TTC27: variants seen among roughly 807,000 people sequenced by gnomAD.
The protein encoded by TTC27 is tetratricopeptide repeat protein 27.
A neutral mutation model predicts 115.9 loss-of-function variants in TTC27; 79 were observed. The ratio of observed to expected loss-of-function variants is 0.68; its 90% CI spans 0.57 to 0.82. The LOEUF (loss-of-function observed/expected upper bound fraction) is 0.82. Among genes scored for constraint, TTC27 ranks in the 40% least tolerant of loss-of-function variants. The pLI, the probability that TTC27 is intolerant of heterozygous loss-of-function variation, is 0.00. For missense variants in TTC27, 1,054 were observed against 993.1 expected (o/e 1.06, Z -0.82); for synonymous variants, 401 against 356.0 (o/e 1.13, Z -1.42).
intron 12 of TTC27, among the ~76,000 whole-genome samples, chr2:32,740,595 G>A (rs981505740): frequency 1.3e-5 from 2 of 152,004 alleles, no homozygotes; most frequent in Non-Finnish European, 2.9e-5. Context: ...TGTTTCCAGG[G>A]TTAAGTCTGA....
At chr2:32,652,897 A>C (rs767854120) in intron 5 of TTC27, among the ~76,000 whole-genome samples, 1 of 152,122 alleles carries the variant, frequency 6.6e-6, no homozygotes, top group Non-Finnish European at 1.5e-5. Context: ...ATGAACAACT[A>C]TGATATTTAG....
intron 13 of TTC27, among the ~76,000 whole-genome samples, chr2:32,770,356 G>T (rs1358129240): frequency 6.6e-6 from 1 of 152,154 alleles, no homozygotes; most frequent in Non-Finnish European, 1.5e-5. Context: ...AGTTTATGAG[G>T]GATGGGGCTG....
rs1465375543 is a variant in TTC27, at chr2:32,759,594, AT to A, written c.1680+1076del. 2.4e-4 allele frequency among the ~76,000 whole-genome samples: 36 copies of A among 152,364 alleles called. 1 individual carries two copies. The highest frequency in any genetic ancestry group is 2.2e-3 in the Admixed American group (34 of 15,308). On this transcript the variant is annotated intron_variant, in intron 13 of 19. Transcript: ENST00000317907. ...TAGTGAGACCTCATCTCTGAAAAAAATAAATAAATAAAATTAAATGAAAGTA... is the reference window on the plus strand; with the variant it reads ...TAGTGAGACCTCATCTCTGAAAAAAAAAATAAATAAAATTAAATGAAAGTA...
chr2:32,635,545 G>A (rs1029797502), intron 3 of TTC27, among the ~76,000 whole-genome samples: 2 of 152,214 alleles, frequency 1.3e-5, no homozygotes, highest in East Asian at 1.9e-4. Context: ...TTAGCCGGGT[G>A]TGGTGGTGCA....
chr2:32,696,073 A>G (rs1288305096), intron 9 of TTC27, among the ~76,000 whole-genome samples: 2 of 148,456 alleles, frequency 1.3e-5, no homozygotes, highest in East Asian at 4.2e-4. Flanking sequence ...CAGTGAGCCA[A>G]GATTGCACCA....
chr2:32,678,490 C>T (rs1055172640), intron 8 of TTC27, among the ~76,000 whole-genome samples: 4 of 151,926 alleles, frequency 2.6e-5, no homozygotes, highest in South Asian at 4.1e-4. Flanking sequence ...TGCAGTGTCG[C>T]GATCTCGGCT....
At chr2:32,757,908 G>C (rs1284412792) in intron 12 of TTC27, among the ~76,000 whole-genome samples, 1 of 152,060 alleles carries the variant, frequency 6.6e-6, no homozygotes, top group Non-Finnish European at 1.5e-5. Context: ...CACCATATTG[G>C]CCAGGCTGGT....
At chr2:32,725,010 A>G (rs747067519) in intron 10 of TTC27, among the ~76,000 whole-genome samples, 1 of 152,206 alleles carries the variant, frequency 6.6e-6, no homozygotes, top group Non-Finnish European at 1.5e-5. Flanking sequence ...ACTTCTCTTT[A>G]TAAAACCACC....
chr2:32,810,908 A>G (rs1424865844), intron 16 of TTC27, 116 bp from the exon 17 acceptor site: 4 of 1,174,168 alleles, frequency 3.4e-6, no homozygotes, highest in Non-Finnish European at 4.9e-6. Context: ...TGATACTCTT[A>G]ACAAGTTTCA....
rs748392229 is a variant in TTC27 at position 32,702,885 on chromosome 2, A to G, written c.1198A>G (p.Thr400Ala). ...ILRTKLEKGS[T>A]RRVERAMRQT... Reference sequence around the variant, plus strand: ...CCGGACAAAACTTGAGAAAGGAAGTACTCGCCGAGTGGAACGGGCAATGAG... The same window carrying G: ...CCGGACAAAACTTGAGAAAGGAAGTGCTCGCCGAGTGGAACGGGCAATGAG... The change falls in exon 10 of 20, where the codon ACT becomes GCT. Residue 400 changes from threonine to alanine, a missense_variant. Transcript: ENST00000317907. 3.1e-6 allele frequency: 5 copies of G among 1,614,060 alleles called. No individual in the cohort carries two copies. Among genetic ancestry groups the G allele is most frequent in the Middle Eastern group, 3.3e-4 (2 of 6,062 alleles).
intron 11 of TTC27, among the ~76,000 whole-genome samples, chr2:32,735,655 CTACTT>C (rs1558316905): frequency 6.6e-6 from 1 of 152,034 alleles, no homozygotes; most frequent in African/African-American, 2.4e-5. Flanking sequence ...GAATTAGTCT[CTACTT>C]TGCTACTAAC....
chr2:32,767,721 A>C (rs896519730), intron 13 of TTC27, among the ~76,000 whole-genome samples: 1 of 151,434 alleles, frequency 6.6e-6, no homozygotes, highest in African/African-American at 2.4e-5. Flanking sequence ...TCGGCCTCCC[A>C]AAGTGCTGGG....
chr2:32,651,533 A>G (rs1360250735), intron 5 of TTC27, among the ~76,000 whole-genome samples: 2 of 152,146 alleles, frequency 1.3e-5, no homozygotes, highest in African/African-American at 4.8e-5. Flanking sequence ...TTTAGTAGAC[A>G]TGGGGTTTCT....
At position 32,733,557 on chromosome 2, in the gene TTC27, A is replaced by G. The variant is rs114868837; in HGVS notation, c.1234-271A>G. 2.7e-3 allele frequency among the ~76,000 whole-genome samples: 408 copies of G among 152,366 alleles called. 2 individuals are homozygous for G. Among genetic ancestry groups the G allele is most frequent in the Middle Eastern group, 0.017 (5 of 294 alleles). On this transcript the variant is annotated intron_variant, in intron 10 of 19. Coordinates refer to ENST00000317907, the MANE Select transcript of TTC27 (RefSeq NM_017735.5). ...ATAGAAGAAGTAAAAAGGCTTATCA[A>G]TAAGGCTAGCTCTTTGAAAGAACTA...
chr2:32,783,890 A>C (rs1169144172), intron 15 of TTC27, among the ~76,000 whole-genome samples: 1 of 152,250 alleles, frequency 6.6e-6, no homozygotes, highest in Non-Finnish European at 1.5e-5. Context: ...AACTTAATTT[A>C]ATTTTTCTTG....
intron 12 of TTC27, among the ~76,000 whole-genome samples, chr2:32,745,884 T>A (rs1301188825): frequency 6.6e-6 from 1 of 152,134 alleles, no homozygotes; most frequent in Non-Finnish European, 1.5e-5. Flanking sequence ...GGCAAGCATC[T>A]CTGGGCAATT....
chr2:32,763,667 G>T (rs1337685593), intron 13 of TTC27, among the ~76,000 whole-genome samples: 1 of 152,188 alleles, frequency 6.6e-6, no homozygotes, highest in East Asian at 1.9e-4. Flanking sequence ...GAGGGGTTTG[G>T]TCTAATAACA....
intron 9 of TTC27, among the ~76,000 whole-genome samples, chr2:32,696,052 G>A (rs1313551527): frequency 4.7e-5 from 7 of 150,398 alleles, no homozygotes; most frequent in African/African-American, 1.5e-4. Flanking sequence ...GAACCTGGGA[G>A]GTGGAGGTTG....
At position 32,633,914 on chromosome 2, in the gene TTC27, A is replaced by C; in HGVS notation, c.305A>C (p.Gln102Pro). 6.2e-7 allele frequency: 1 copy of C among 1,613,936 alleles called. No individual in the cohort carries two copies. Among genetic ancestry groups the C allele is most frequent in the Non-Finnish European group, 8.5e-7 (1 of 1,179,906 alleles). Reference sequence around the variant, plus strand: ...TTTCTACTTGGTGTGAGCAGTTTGCAACTTTTTGTTCAGAGCAACTGGACG... The same window carrying C: ...TTTCTACTTGGTGTGAGCAGTTTGCCACTTTTTGTTCAGAGCAACTGGACG... ...LIFLLGVSSL[Q>P]LFVQSNWTGP... Residue 102 changes from glutamine to proline, a missense_variant, in exon 3 of 20, where the codon CAA becomes CCA. Physicochemically the swap from Gln to Pro is moderately conservative, Grantham distance 76. Transcript: ENST00000317907.
Sources: allele counts gnomAD v4.1 joint callset (sites outside exome capture counted in the v4.1 genomes callset), GRCh38; gene constraint gnomAD v4.1.1; transcripts MANE v1.5; gene names NCBI Gene and HGNC (gene_info 2026-07-23, HGNC 2026-07-21).